The following UBR3 variants were observed in gnomAD, a reference collection of about 807,000 sequenced individuals.
UBR3 encodes the protein ubiquitin protein ligase E3 component n-recognin 3.
UBR3 carries 85 observed loss-of-function variants against 243.2 expected under a neutral mutation model. That is an observed-to-expected ratio of 0.35 (90% CI 0.29 to 0.42). The LOEUF (loss-of-function observed/expected upper bound fraction) is 0.42. UBR3 is among the 10% of genes least tolerant of loss of function. UBR3 has a pLI of 1.00. For missense variants in UBR3, 1,686 were observed against 2,300.8 expected, an observed-to-expected ratio of 0.73 and a Z score of 5.47; for synonymous variants, 748 against 799.8, an observed-to-expected ratio of 0.94 and a Z score of 1.09.
chr2:169,909,509 G>C (rs771650671), intron 10 of UBR3, among the ~76,000 whole-genome samples: 7 of 152,114 alleles, frequency 4.6e-5, no homozygotes, highest in Non-Finnish European at 1.0e-4. Flanking sequence ...TGAGGGAGTG[G>C]GAAATGGGGA....
intron 20 of UBR3, among the ~76,000 whole-genome samples, chr2:169,943,886 A>T (rs1297837647): frequency 6.6e-6 from 1 of 152,110 alleles, no homozygotes; most frequent in African/African-American, 2.4e-5. Context: ...TTATAATGAA[A>T]TAGTACTTTT....
In UBR3 at chr2:169,996,689, TTTTG is replaced by T. The variant is rs201315208; in HGVS notation, c.3918+2237_3918+2240del. ...TTCTTTGTTCTTTATTGCTTTGGAC[TTTTG>T]TTTTTTTTTTTTTTTTTTTAGATAG... On this transcript the variant is annotated intron_variant, in intron 26 of 38. Coordinates refer to ENST00000272793, the MANE Select transcript of UBR3 (RefSeq NM_172070.4). Among the ~76,000 whole-genome samples, 130 of 57,342 alleles carry T rather than the reference TTTTG, an allele frequency of 2.3e-3. 14 individuals are homozygous for T. Among genetic ancestry groups the T allele is most frequent in the Middle Eastern group, 0.023 (2 of 86 alleles). 37.6% of individuals were successfully genotyped at this position (57,342 alleles called of 152,430 possible).
chr2:169,938,111 T>C (rs986359684), intron 19 of UBR3, among the ~76,000 whole-genome samples: 9 of 152,140 alleles, frequency 5.9e-5, no homozygotes, highest in Admixed American at 1.3e-4. Flanking sequence ...TCCTCCTTAT[T>C]TTAGCCCCTT....
rs753766824 is a variant in UBR3, at chr2:169,986,633, T to A, written c.3635-12T>A. On this transcript the variant is annotated splice_polypyrimidine_tract_variant and intron_variant, in intron 24 of 38. Transcript: ENST00000272793. ...CCTAAGGAATTAAAGAGATGTAACT[T>A]TTTTCCCTCAGATTCTCCTGAGAAT... 1 of 1,600,454 alleles carries A rather than the reference T, an allele frequency of 6.2e-7. No homozygotes were observed. Among genetic ancestry groups the A allele is most frequent in the South Asian group, 1.1e-5 (1 of 87,836 alleles).
rs577471266 is a variant in UBR3, at chr2:170,081,706, T to C, written c.5550-20T>C. On this transcript the variant is annotated intron_variant, in intron 38 of 38. Transcript: ENST00000272793. ...TCTTCCGTGTATGATATTAATACTT[T>C]TTTTTTCTTTTTGTTCTAGGCGAGG... 1 of 1,540,332 alleles carries C rather than the reference T, an allele frequency of 6.5e-7. No homozygotes were observed. Among genetic ancestry groups the C allele is most frequent in the Non-Finnish European group, 8.8e-7 (1 of 1,134,572 alleles).
intron 11 of UBR3, among the ~76,000 whole-genome samples, chr2:169,918,868 A>G (rs1353425516): frequency 2.6e-5 from 4 of 152,212 alleles, no homozygotes; most frequent in Non-Finnish European, 4.4e-5. Context: ...TAGGGGATAC[A>G]GTGATAAAAC....
chr2:170,061,536 C>T (rs1397411505), intron 35 of UBR3, 93 bp downstream of exon 35: 20 of 1,478,630 alleles, frequency 1.4e-5, no homozygotes, highest in Non-Finnish European at 1.6e-5. Flanking sequence ...GGCACAATCT[C>T]GGCTTACTGC....
intron 1 of UBR3, among the ~76,000 whole-genome samples, chr2:169,866,270 A>C: frequency 7.3e-6 from 1 of 137,492 alleles, no homozygotes; most frequent in East Asian, 1.9e-4. Flanking sequence ...AAAAAAAAAA[A>C]AGCAAAAAAA....
At position 169,895,312 on chromosome 2, in the gene UBR3, G is replaced by A; in HGVS notation, c.1236+1G>A. ...CATGCTTCCAGATCAAGAGTATAAGGTATCTATATATTTTCCTGCTTTTCT... is the reference window on the plus strand; with the variant it reads ...CATGCTTCCAGATCAAGAGTATAAGATATCTATATATTTTCCTGCTTTTCT... On this transcript the variant is annotated splice_donor_variant, in intron 7 of 38. Coordinates refer to ENST00000272793, the MANE Select transcript of UBR3 (RefSeq NM_172070.4). LOFTEE classifies it high-confidence loss of function. The A allele has an allele frequency of 1.3e-6, 2 of 1,532,226 alleles. No individual in the cohort carries two copies. Among genetic ancestry groups the A allele is most frequent in the Non-Finnish European group, 1.8e-6 (2 of 1,142,388 alleles). The allele number at this position is 1,532,226 out of a possible 1,614,324, so 94.9% of individuals were successfully genotyped here. A position where few individuals can be genotyped will look rare whatever the true frequency, so the allele number is the denominator to read the frequency against.
chr2:169,960,526 T>C (rs1170357006), intron 24 of UBR3, among the ~76,000 whole-genome samples: 1 of 152,112 alleles, frequency 6.6e-6, no homozygotes, highest in Non-Finnish European at 1.5e-5. Context: ...TTATTGACAC[T>C]ACTTTCCCTT....
chr2:169,950,167 A>T (rs1187604227), intron 23 of UBR3, 102 bp downstream of exon 23: 3 of 1,078,348 alleles, frequency 2.8e-6, no homozygotes, highest in Non-Finnish European at 2.6e-6. Flanking sequence ...TTTAACAGGA[A>T]CAGTCATAGC....
intron 19 of UBR3, among the ~76,000 whole-genome samples, chr2:169,934,476 A>G (rs1030096875): frequency 7.9e-5 from 12 of 152,188 alleles, no homozygotes; most frequent in African/African-American, 2.9e-4. Context: ...TATTTATTGA[A>G]TGCTCTGCCT....
At chr2:169,834,157 C>G (rs910076069) in intron 1 of UBR3, among the ~76,000 whole-genome samples, 1 of 152,174 alleles carries the variant, frequency 6.6e-6, no homozygotes, top group Non-Finnish European at 1.5e-5. Context: ...ACGTGAATGT[C>G]TGGTTGAATA....
At chr2:169,899,558 C>T (rs1405045746) in intron 8 of UBR3, among the ~76,000 whole-genome samples, 1 of 151,852 alleles carries the variant, frequency 6.6e-6, no homozygotes, top group South Asian at 2.1e-4. Context: ...GTACAGAATG[C>T]GCAGGTTTGT....
intron 16 of UBR3, 30 bp downstream of exon 16, chr2:169,927,001 A>C (rs778020950): frequency 4.6e-6 from 7 of 1,535,384 alleles, no homozygotes; most frequent in Non-Finnish European, 5.3e-6. Flanking sequence ...ATACTTATGC[A>C]TTAACTGTTT....
intron 8 of UBR3, among the ~76,000 whole-genome samples, chr2:169,903,863 A>G (rs1451162965): frequency 6.6e-6 from 1 of 152,088 alleles, no homozygotes; most frequent in Non-Finnish European, 1.5e-5. Context: ...CTTTGAAAAA[A>G]TATATATATA....
chr2:169,896,300 T>TC (rs1285563395), intron 7 of UBR3, among the ~76,000 whole-genome samples: 1 of 134,048 alleles, frequency 7.5e-6, no homozygotes, highest in East Asian at 2.1e-4. Context: ...GGAAAAAAAT[T>TC]TTTTTTTTTT....
chr2:170,022,524 G>A (rs1444028106), intron 30 of UBR3, among the ~76,000 whole-genome samples: 1 of 152,074 alleles, frequency 6.6e-6, no homozygotes, highest in South Asian at 2.1e-4. Flanking sequence ...GAGTTTGAAG[G>A]CATGGATTCT....
At chr2:170,071,714 TATA>T (rs2091701380) in intron 35 of UBR3, among the ~76,000 whole-genome samples, 1 of 152,192 alleles carries the variant, frequency 6.6e-6, no homozygotes, top group African/African-American at 2.4e-5. Flanking sequence ...TCAGCCTGCA[TATA>T]ATTTTTCTTT....
Sources: allele counts gnomAD v4.1 joint callset (sites outside exome capture counted in the v4.1 genomes callset), GRCh38; gene constraint gnomAD v4.1.1; transcripts MANE v1.5; gene names NCBI Gene and HGNC (gene_info 2026-07-23, HGNC 2026-07-21).